Variants in TMEM87A observed in about 807,000 individuals in gnomAD.
The protein encoded by TMEM87A is Golgi-pH regulating cation channel.
TMEM87A carries 50 observed loss-of-function variants against 90.0 expected under a neutral mutation model. That is an observed-to-expected ratio of 0.56 (90% CI 0.44 to 0.70). The LOEUF (loss-of-function observed/expected upper bound fraction) is 0.70. TMEM87A is among the 30% of genes least tolerant of loss of function. The pLI is 0.00. For synonymous variants in TMEM87A, 226 were observed against 226.7 expected (o/e 1.00, Z 0.03); for missense variants, 577 against 660.5 (o/e 0.87, Z 1.39).
chr15:42,239,311 G>C (rs1345790058), intron 8 of TMEM87A, among the ~76,000 whole-genome samples: 2 of 152,192 alleles, frequency 1.3e-5, no homozygotes, highest in African/African-American at 4.8e-5. Flanking sequence ...AAAATGTTGG[G>C]ATTACAGGCA....
chr15:42,223,923 T>G (rs142269455), intron 15 of TMEM87A, among the ~76,000 whole-genome samples: 3 of 152,356 alleles, frequency 2.0e-5, no homozygotes, highest in Non-Finnish European at 4.4e-5. Context: ...CTTTCAGGTT[T>G]TTTTTGGGAA....
At chr15:42,269,515 C>G (rs930162313) in intron 2 of TMEM87A, among the ~76,000 whole-genome samples, 42 of 152,044 alleles carry the variant, frequency 2.8e-4, no homozygotes, top group African/African-American at 9.9e-4. Flanking sequence ...CATACAGGGA[C>G]AGGATTAACT....
intron 6 of TMEM87A, among the ~76,000 whole-genome samples, chr15:42,244,546 TTAA>T: frequency 6.6e-6 from 1 of 151,708 alleles, no homozygotes; most frequent in Middle Eastern, 3.4e-3. Flanking sequence ...TAAACAAAAC[TTAA>T]TGATGGTATC....
chr15:42,224,096 G>A (rs1194064687), intron 15 of TMEM87A, among the ~76,000 whole-genome samples: 2 of 152,150 alleles, frequency 1.3e-5, no homozygotes, highest in Non-Finnish European at 2.9e-5. Context: ...AACATGTCCT[G>A]TCTTTATTTG....
At chr15:42,254,606 A>T (rs555176056) in intron 6 of TMEM87A, among the ~76,000 whole-genome samples, 1 of 152,364 alleles carries the variant, frequency 6.6e-6, no homozygotes, top group Admixed American at 6.5e-5. Flanking sequence ...CAATCTAAAG[A>T]GGTCACATAT....
intron 6 of TMEM87A, among the ~76,000 whole-genome samples, chr15:42,254,130 G>C (rs1272661827): frequency 1.3e-5 from 2 of 151,316 alleles, no homozygotes; most frequent in Non-Finnish European, 2.9e-5. Context: ...TTCATGGTAT[G>C]ATCTCAAAAT....
At chr15:42,226,731 G>A in intron 15 of TMEM87A, 75 bp downstream of exon 15, 1 of 1,266,534 alleles carries the variant, frequency 7.9e-7, no homozygotes, top group Non-Finnish European at 1.1e-6. Context: ...CCCTGATACT[G>A]TCCCCCAATG....
chr15:42,223,630 C>A (rs998849011), intron 15 of TMEM87A, among the ~76,000 whole-genome samples: 3 of 152,112 alleles, frequency 2.0e-5, no homozygotes, highest in Non-Finnish European at 4.4e-5. Flanking sequence ...CATGTGACGA[C>A]CCAGTAAGAA....
chr15:42,218,367 A>G lies in TMEM87A; in HGVS notation c.1551T>C (p.Asp517=), dbSNP rs1191719399. Residue 517 remains aspartate (D), a synonymous_variant, in exon 18 of 20, where the codon GAT becomes GAC. Transcript: ENST00000389834. ...GAACATTCTCTTCTACCCACTTCAA[A>G]TCATCTTCCTGCTGGGAACATACAA... The part of the protein sequence containing the change: ...NSKVNKAQED[D]LKWVEENVPS... The G allele has an allele frequency of 6.2e-7, 1 of 1,613,692 alleles. No homozygotes were observed. Among genetic ancestry groups the G allele is most frequent in the South Asian group, 1.1e-5 (1 of 91,046 alleles).
chr15:42,258,826 G>A, intron 6 of TMEM87A: 2 of 1,475,792 alleles, frequency 1.4e-6, no homozygotes, highest in Middle Eastern at 4.7e-4. Context: ...TTTAGGTAGT[G>A]AGAACACTTT....
In TMEM87A at chr15:42,211,702, C is replaced by T; in HGVS notation, c.*6G>A. 1 of 1,613,064 alleles carries T rather than the reference C, an allele frequency of 6.2e-7. No homozygotes were observed. The highest frequency in any genetic ancestry group is 8.5e-7 in the Non-Finnish European group (1 of 1,179,564). On this transcript the variant is annotated 3_prime_UTR_variant, in exon 20 of 20. Coordinates refer to ENST00000389834, the MANE Select transcript of TMEM87A (RefSeq NM_015497.5). ...AGCCATCTTTAACTGCAAATCTTCC[C>T]ATTCCTTACTCCATTTTGGACCTTT... is the stretch of plus-strand genomic sequence containing the variant.
chr15:42,214,529 A>G (rs187689666), intron 19 of TMEM87A, among the ~76,000 whole-genome samples: 26 of 152,336 alleles, frequency 1.7e-4, no homozygotes, highest in South Asian at 1.2e-3. Context: ...AACTACACAT[A>G]CATGGTCAAC....
intron 4 of TMEM87A, among the ~76,000 whole-genome samples, chr15:42,263,733 G>A (rs2051342107): frequency 6.6e-6 from 1 of 152,156 alleles, no homozygotes; most frequent in East Asian, 1.9e-4. Flanking sequence ...GGCGGACAGA[G>A]CAAGAATCTG....
chr15:42,238,161 G>T (rs772876904), intron 8 of TMEM87A, among the ~76,000 whole-genome samples: 1 of 152,084 alleles, frequency 6.6e-6, no homozygotes, highest in Non-Finnish European at 1.5e-5. Context: ...TTCTGGTCAG[G>T]CGTGGTAATT....
chr15:42,254,192 G>A (rs2051136025), intron 6 of TMEM87A, among the ~76,000 whole-genome samples: 1 of 152,118 alleles, frequency 6.6e-6, no homozygotes, highest in East Asian at 1.9e-4. Context: ...GGTAATTAAA[G>A]CTACAAGTGA....
chr15:42,246,794 T>C (rs1372509175), intron 6 of TMEM87A, among the ~76,000 whole-genome samples: 1 of 152,232 alleles, frequency 6.6e-6, no homozygotes, highest in East Asian at 1.9e-4. Context: ...TTTATAATCA[T>C]TTGGGTGTAT....
At chr15:42,213,976 A>G (rs2050338716) in intron 19 of TMEM87A, among the ~76,000 whole-genome samples, 4 of 152,254 alleles carry the variant, frequency 2.6e-5, no homozygotes, top group Admixed American at 2.6e-4. Context: ...AACTCAGGAG[A>G]ACAATGCATG....
chr15:42,252,119 C>A (rs763619459), intron 6 of TMEM87A, among the ~76,000 whole-genome samples: 1 of 152,216 alleles, frequency 6.6e-6, no homozygotes, highest in African/African-American at 2.4e-5. Context: ...AGTATTAAGG[C>A]GGGAGTGTCC....
At chr15:42,247,187 A>G (rs1020866121) in intron 6 of TMEM87A, among the ~76,000 whole-genome samples, 6 of 152,200 alleles carry the variant, frequency 3.9e-5, no homozygotes, top group Non-Finnish European at 8.8e-5. Context: ...GATTCTGGAT[A>G]TTAGCCCTTT....
Sources: allele counts gnomAD v4.1 joint callset (sites outside exome capture counted in the v4.1 genomes callset), GRCh38; gene constraint gnomAD v4.1.1; transcripts MANE v1.5; gene names NCBI Gene and HGNC (gene_info 2026-07-23, HGNC 2026-07-21).